MED12: variants seen among roughly 807,000 people sequenced by gnomAD.
The protein encoded by MED12 is mediator complex subunit 12, also known as mediator of RNA polymerase II transcription subunit 12.
A neutral mutation model predicts 177.7 loss-of-function variants in MED12; 10 were observed. That is an observed-to-expected ratio of 0.06 (90% CI 0.03 to 0.10). The LOEUF (loss-of-function observed/expected upper bound fraction) is 0.10, where lower values mean the gene tolerates loss of function less well. MED12 is among the 10% of genes least tolerant of loss of function. The pLI, the probability that MED12 is intolerant of heterozygous loss-of-function variation, is 1.00. For missense variants in MED12, 867 were observed against 1,780.8 expected (o/e 0.49, Z 9.23); for synonymous variants, 641 against 678.4 (o/e 0.94, Z 0.86).
chrX:71,124,723 C>T, intron 13 of MED12, 41 bp from the exon 14 acceptor site: 2 of 1,108,977 alleles, frequency 1.8e-6, no homozygotes, highest in Non-Finnish European at 2.5e-6. Flanking sequence ...GGAGCCACTC[C>T]CTAGGGCTAA....
In MED12 at chrX:71,141,361, C is replaced by G. The variant is rs1321273556; in HGVS notation, c.6399C>G (p.Ser2133=). The G allele has an allele frequency of 2.6e-6, 3 of 1,162,274 alleles. No individual in the cohort carries two copies. Among genetic ancestry groups the G allele is most frequent in the African/African-American group, 1.8e-5 (1 of 54,363 alleles). ...CTCCTCCCCAACCCCAGCCCCAGTCCCAGCCCCAGGTAGCTGCTGGACTAC... is the reference window on the plus strand; with the variant it reads ...CTCCTCCCCAACCCCAGCCCCAGTCGCAGCCCCAGGTAGCTGCTGGACTAC... ...QAAPPQPQPQ[S]QPQFQRQGLQ... Residue 2133 remains serine (S), a synonymous_variant, in exon 43 of 45, where the codon TCC becomes TCG. Coordinates refer to ENST00000374080, the MANE Select transcript of MED12 (RefSeq NM_005120.3).
chrX:71,129,871 C>T lies in MED12; in HGVS notation c.3867+16C>T. On this transcript the variant is annotated intron_variant, in intron 27 of 44. Transcript: ENST00000374080. ...CTGCCAACAGGTCAGTTTCACCTTC[C>T]TCCCACACCTCCTAAATGCCTCTGT... 2 of 1,208,917 alleles carry T rather than the reference C, an allele frequency of 1.7e-6. No individual in the cohort carries two copies. Among genetic ancestry groups the T allele is most frequent in the Non-Finnish European group, 2.2e-6 (2 of 893,279 alleles).
At chrX:71,119,195 TG>T in intron 1 of MED12, 177 bp from the exon 2 acceptor site, 1 of 476,421 alleles carries the variant, frequency 2.1e-6, no homozygotes, top group African/African-American at 2.4e-5. Context: ...CTAGTGACCA[TG>T]GGAGTGAGGG....
rs770218060 is a variant in MED12, at chrX:71,118,814, G to A, written c.60G>A (p.Gly20=). 1 of 1,209,400 alleles carries A rather than the reference G, an allele frequency of 8.3e-7. No homozygotes were observed. The highest frequency in any genetic ancestry group is 1.1e-6 in the Non-Finnish European group (1 of 894,915). The change falls in exon 1 of 45, where the codon GGG becomes GGA. Residue 20 remains glycine (G), a synonymous_variant. Coordinates refer to ENST00000374080, the MANE Select transcript of MED12 (RefSeq NM_005120.3). ...GGCCCCTGAAGCGGCCGCGGCTGGGGCCTCCCGATGTTTACCCTCAGGACC... is the reference window on the plus strand; with the variant it reads ...GGCCCCTGAAGCGGCCGCGGCTGGGACCTCCCGATGTTTACCCTCAGGACC... ...EHRPLKRPRL[G]PPDVYPQDPK...
rs781730846 is a variant in MED12, at chrX:71,129,797, T to C, written c.3809T>C (p.Val1270Ala). 8.3e-7 allele frequency: 1 copy of C among 1,209,702 alleles called. No homozygotes were observed. The highest frequency in any genetic ancestry group is 3.0e-5 in the East Asian group (1 of 33,736). The change falls in exon 27 of 45, where the codon GTG (valine) becomes GCG (alanine). Residue 1270 changes from valine (V) to alanine (A), a missense_variant. Coordinates refer to ENST00000374080, the MANE Select transcript of MED12 (RefSeq NM_005120.3). ...AGGCAGGGTGGCCGCAACATCTCTG[T>C]GGAGACAGCCAGTCTGGATGTCTAT... ...GRRQGGRNISVETASLDVYAK... is the reference protein window; with the variant it reads ...GRRQGGRNISAETASLDVYAK...
rs980023518 is a variant in MED12, at chrX:71,129,238, A to G, written c.3577+23A>G. 12 of 1,176,317 alleles carry G rather than the reference A, an allele frequency of 1.0e-5. No homozygotes were observed. The Admixed American group carries it at 2.4e-4, about 24-fold the overall frequency. ...GAAGTAAGTGACCCTGATCTGAACC[A>G]GCCAACAGTAGAAAGTGTGGTTCCC... is the stretch of plus-strand genomic sequence containing the variant. On this transcript the variant is annotated intron_variant, in intron 25 of 44. Transcript: ENST00000374080.
In MED12 at chrX:71,129,081, A is replaced by G. The variant is rs745386977; in HGVS notation, c.3476-33A>G. ...ATAAACCCACATACAGTTTAACTTC[A>G]TCCCTTCCAGATCTGTTTTGTCTTC... On this transcript the variant is annotated intron_variant, in intron 24 of 44. Transcript: ENST00000374080. 8 of 1,115,781 alleles carry G rather than the reference A, an allele frequency of 7.2e-6. No individual in the cohort carries two copies. The East Asian group carries it at 2.4e-4, about 33-fold the overall frequency. 92.0% of individuals were successfully genotyped at this position (1,115,781 alleles called of 1,213,427 possible).
rs769857818 is a variant in MED12 at position 71,140,738 on chromosome X, G to GAGCAGC, written c.6162_6167dup (p.Gln2075_Gln2076dup). 8.3e-7 allele frequency: 1 copy of GAGCAGC among 1,208,062 alleles called. No individual in the cohort carries two copies. Among genetic ancestry groups the GAGCAGC allele is most frequent in the East Asian group, 3.0e-5 (1 of 33,666 alleles). On this transcript the variant is annotated inframe_insertion, in exon 42 of 45. Transcript: ENST00000374080. Reference sequence around the variant, plus strand: ...CGTCCGTTCAACAGCCATCCTACCTGAGCAGCAGCAGCAGCAGCAACAGCA... The same window carrying GAGCAGC: ...CGTCCGTTCAACAGCCATCCTACCTGAGCAGCAGCAGCAGCAGCAGCAGCAACAGCA...
In MED12 at chrX:71,132,974, A is replaced by G. The variant is rs372687896; in HGVS notation, c.4527+18A>G. Reference sequence around the variant, plus strand: ...TGCACCAGGTACAGATCTCTGGGCCATGGAGGTGGGCAGGAGGTCAGGGAA... The same window carrying G: ...TGCACCAGGTACAGATCTCTGGGCCGTGGAGGTGGGCAGGAGGTCAGGGAA... On this transcript the variant is annotated intron_variant, in intron 32 of 44. Transcript: ENST00000374080. 1.6e-5 allele frequency: 18 copies of G among 1,145,820 alleles called. 1 individual carries two copies. The South Asian group carries it at 3.4e-4, about 22-fold the overall frequency. 94.4% of individuals were successfully genotyped at this position (1,145,820 alleles called of 1,213,427 possible).
In MED12 at chrX:71,129,591, G is replaced by A. The variant is rs1314852880; in HGVS notation, c.3692-89G>A. 7.3e-6 allele frequency: 8 copies of A among 1,096,010 alleles called. No homozygotes were observed. In the East Asian group the frequency reaches 1.3e-4, roughly 18 times the overall value. 90.3% of individuals were successfully genotyped at this position (1,096,010 alleles called of 1,213,427 possible). On this transcript the variant is annotated intron_variant, in intron 26 of 44. Coordinates refer to ENST00000374080, the MANE Select transcript of MED12 (RefSeq NM_005120.3). ...TTCTGTCCCATAGGGCAGGATTTGG[G>A]GTGTTTCTACCTCTGTGGGCCCAGG... is the stretch of plus-strand genomic sequence containing the variant.
rs1243443016 is a variant in MED12 at position 71,125,418 on chromosome X, A to T, written c.2294A>T (p.Asp765Val). 2 of 1,210,538 alleles carry T rather than the reference A, an allele frequency of 1.7e-6. No individual in the cohort carries two copies. Residue 765 changes from aspartate to valine, a missense_variant, in exon 16 of 45, where the codon GAT becomes GTT. This residue lies in a region of MED12 where 309 missense variants were observed against 556.3 expected (regional missense o/e 0.56). Coordinates refer to ENST00000374080, the MANE Select transcript of MED12 (RefSeq NM_005120.3). The part of the protein sequence containing the change: ...VVLFGVGKQR[D>V]DARHAIKKIT... ...CTGTTTGGGGTGGGAAAGCAGCGAG[A>T]TGATGCCCGCCATGCCATCAAGAAA... is the stretch of plus-strand genomic sequence containing the variant.
intron 33 of MED12, 125 bp from the exon 34 acceptor site, chrX:71,134,230 CAA>C (rs35646519): frequency 6.9e-3 from 2,031 of 295,176 alleles, no homozygotes; most frequent in East Asian, 0.011. Context: ...GACTCCGTCT[CAA>C]AAAAAAAAAA....
Position 71,128,282 on chromosome X carries a change from G to A in MED12, c.3210-14G>A, listed in dbSNP as rs2147801692. ...AGCAAGGTTTTTCCTGAGGGCATTT[G>A]TACTTTTCCCTAGGGTGAATGACAT... On this transcript the variant is annotated splice_polypyrimidine_tract_variant and intron_variant, in intron 22 of 44. Transcript: ENST00000374080. 2.5e-6 allele frequency: 3 copies of A among 1,211,808 alleles called. No individual in the cohort carries two copies. Among genetic ancestry groups the A allele is most frequent in the Non-Finnish European group, 3.4e-6 (3 of 895,485 alleles).
At chrX:71,128,469 G>T (rs774574685) in intron 23 of MED12, 29 bp downstream of exon 23, 1 of 1,210,852 alleles carries the variant, frequency 8.3e-7, no homozygotes, top group Admixed American at 2.2e-5. Context: ...TTTTGCTAGT[G>T]GGGCAGTGAC....
chrX:71,129,611 C>T (rs1399696826), intron 26 of MED12, 69 bp from the exon 27 acceptor site: 2 of 1,140,737 alleles, frequency 1.8e-6, no homozygotes, highest in Non-Finnish European at 2.4e-6. Context: ...CCTCTGTGGG[C>T]CCAGGGTGGG....
chrX:71,137,988 G>T (rs1194416071), intron 41 of MED12, 45 bp downstream of exon 41: 22 of 1,155,714 alleles, frequency 1.9e-5, no homozygotes, highest in Non-Finnish European at 2.5e-5. Context: ...AGAGGTATAA[G>T]GGAGCATTTG....
In MED12 at chrX:71,136,349, A is replaced by G; in HGVS notation, c.5094A>G (p.Ala1698=). The change falls in exon 37 of 45, where the codon GCA becomes GCG. Residue 1698 remains alanine (A), a synonymous_variant. Transcript: ENST00000374080. The part of the protein sequence containing the change: ...WDLFEGLKPS[A]PLSWGWFGTV... The stretch of plus-strand genomic sequence containing the variant: ...TTTTTGAGGGGTTGAAGCCGTCAGC[A>G]CCACTCTCTTGGGGCTGGTTTGGAA... The G allele has an allele frequency of 1.7e-6, 2 of 1,211,060 alleles. No individual in the cohort carries two copies. Among genetic ancestry groups the G allele is most frequent in the Non-Finnish European group, 2.2e-6 (2 of 895,041 alleles).
At chrX:71,133,005 C>T in intron 32 of MED12, 49 bp downstream of exon 32, 1 of 1,059,035 alleles carries the variant, frequency 9.4e-7, no homozygotes, top group Non-Finnish European at 1.3e-6. Context: ...GGGAAGGATG[C>T]ACCTAAGGGG....
rs768875937 is a variant in MED12 at position 71,136,565 on chromosome X, C to A, written c.5310C>A (p.Asp1770Glu). ...EKKAPEPPKT[D>E]KPGAAPPSTE... ...AGGCTCCAGAGCCCCCCAAAACTGA[C>A]AAACCGGGGGCTGCTCCACCCAGTA... The change falls in exon 37 of 45, where the codon GAC (aspartate) becomes GAA (glutamate). Residue 1770 changes from aspartate to glutamate, a missense_variant. Coordinates refer to ENST00000374080, the MANE Select transcript of MED12 (RefSeq NM_005120.3). The A allele has an allele frequency of 1.7e-6, 2 of 1,199,192 alleles. No individual in the cohort carries two copies. Among genetic ancestry groups the A allele is most frequent in the Non-Finnish European group, 2.2e-6 (2 of 889,551 alleles).
Sources: allele counts gnomAD v4.1 joint callset, GRCh38; gene constraint gnomAD v4.1.1; regional missense constraint gnomAD v4.1.1; transcripts MANE v1.5; gene names NCBI Gene and HGNC (gene_info 2026-07-23, HGNC 2026-07-21).